INTS2: variants seen among roughly 807,000 people sequenced by gnomAD.
INTS2 encodes the protein KIAA1287.
INTS2 carries 57 observed loss-of-function variants against 139.6 expected under a neutral mutation model. That is an observed-to-expected ratio of 0.41 (90% CI 0.33 to 0.51). The LOEUF is 0.51. Among genes scored for constraint, INTS2 ranks in the 20% least tolerant of loss-of-function variants. The probability of loss-of-function intolerance (pLI) is 0.28; values close to 1 mark genes in which losing one functional copy is unlikely to be tolerated. For synonymous variants in INTS2, 473 were observed against 493.4 expected, an observed-to-expected ratio of 0.96 and a Z score of 0.55; for missense variants, 1,196 against 1,436.7, an observed-to-expected ratio of 0.83 and a Z score of 2.71.
intron 2 of INTS2, 132 bp downstream of exon 2, chr17:61,926,220 C>A: frequency 2.9e-6 from 2 of 681,432 alleles, no homozygotes; most frequent in South Asian, 2.2e-5. Flanking sequence ...TAACTATATA[C>A]AGAAAAGACC....
chr17:61,895,953 C>G (rs1423930323), intron 11 of INTS2, among the ~76,000 whole-genome samples: 1 of 151,874 alleles, frequency 6.6e-6, no homozygotes, highest in African/African-American at 2.4e-5. Flanking sequence ...ACAAAAAGAA[C>G]ATTTACAGCC....
chr17:61,894,047 G>T, intron 12 of INTS2, 148 bp from the exon 13 acceptor site: 1 of 472,558 alleles, frequency 2.1e-6, no homozygotes, highest in South Asian at 6.0e-5. Flanking sequence ...TGTTTTAATT[G>T]TCTTTGAATG....
In INTS2 at chr17:61,919,529, G is replaced by A; in HGVS notation, c.536-16C>T. On this transcript the variant is annotated splice_polypyrimidine_tract_variant and intron_variant, in intron 4 of 24. Coordinates refer to ENST00000251334, the MANE Select transcript of INTS2 (RefSeq NM_001351695.2). ...GAAGGGAGCTCTACAAGAAAACAAA[G>A]TCAGTGTTAGTCTTTGTTAACAGGT... The A allele has an allele frequency of 7.3e-7, 1 of 1,360,546 alleles. No homozygotes were observed. Among genetic ancestry groups the A allele is most frequent in the African/African-American group, 1.4e-5 (1 of 69,426 alleles). The allele number at this position is 1,360,546 out of a possible 1,614,324, so 84.3% of individuals were successfully genotyped here.
At chr17:61,907,934 A>T (rs2079482967) in intron 7 of INTS2, among the ~76,000 whole-genome samples, 1 of 152,232 alleles carries the variant, frequency 6.6e-6, no homozygotes. Context: ...ACAAAGTGAT[A>T]TGTGGTATAG....
intron 8 of INTS2, among the ~76,000 whole-genome samples, chr17:61,905,594 C>G (rs1023243267): frequency 6.6e-6 from 1 of 152,176 alleles, no homozygotes; most frequent in Non-Finnish European, 1.5e-5. Context: ...CCAGAGCGCT[C>G]GGATTATGGG....
chr17:61,901,389 A>C (rs1051885145), intron 9 of INTS2, among the ~76,000 whole-genome samples: 6 of 151,558 alleles, frequency 4.0e-5, no homozygotes, highest in East Asian at 1.9e-4. Context: ...TAGAGAAAAG[A>C]AGCAATACAA....
intron 5 of INTS2, among the ~76,000 whole-genome samples, chr17:61,919,025 A>G (rs1390706194): frequency 1.3e-5 from 2 of 151,630 alleles, no homozygotes; most frequent in African/African-American, 4.8e-5. Flanking sequence ...CCCAGGTTCA[A>G]GCGATTCTTC....
chr17:61,899,462 G>C (rs939222842), intron 9 of INTS2, among the ~76,000 whole-genome samples: 3 of 151,968 alleles, frequency 2.0e-5, no homozygotes, highest in Non-Finnish European at 4.4e-5. Context: ...ATGTTGGCCA[G>C]GCTGGTCTCG....
At chr17:61,916,963 T>C (rs2079588997) in intron 5 of INTS2, among the ~76,000 whole-genome samples, 1 of 151,408 alleles carries the variant, frequency 6.6e-6, no homozygotes, top group Non-Finnish European at 1.5e-5. Context: ...ACCACCCCAT[T>C]AAAAGTGAGG....
chr17:61,879,660 GGGCAACAT>G (rs1260240464), intron 17 of INTS2, among the ~76,000 whole-genome samples: 1 of 152,104 alleles, frequency 6.6e-6, no homozygotes, highest in East Asian at 1.9e-4. Context: ...AGACCAGCCT[GGGCAACAT>G]GGCAACCCTT....
chr17:61,926,230 C>A, intron 2 of INTS2, 122 bp downstream of exon 2: 1 of 747,830 alleles, frequency 1.3e-6, no homozygotes, highest in East Asian at 2.6e-5. Flanking sequence ...CAGAAAAGAC[C>A]TAAGTAAAAT....
intron 7 of INTS2, chr17:61,910,637 G>A (rs928660902): frequency 6.6e-6 from 1 of 151,414 alleles, no homozygotes; most frequent in African/African-American, 2.4e-5. Flanking sequence ...AGTGATAATG[G>A]TTGCACACTG....
intron 9 of INTS2, among the ~76,000 whole-genome samples, chr17:61,900,531 T>G (rs2079393881): frequency 6.6e-6 from 1 of 152,232 alleles, no homozygotes; most frequent in Non-Finnish European, 1.5e-5. Context: ...TAACTTTGTT[T>G]ATGGGTTTCT....
intron 5 of INTS2, among the ~76,000 whole-genome samples, chr17:61,918,740 C>A (rs1432856000): frequency 1.3e-5 from 2 of 152,048 alleles, no homozygotes; most frequent in Non-Finnish European, 2.9e-5. Flanking sequence ...AAAATGTAGT[C>A]GATTTTTCTC....
In INTS2 at chr17:61,867,646, T is replaced by G. The variant is rs2079056275; in HGVS notation, c.3502A>C (p.Thr1168Pro). The change falls in exon 25 of 25, where the codon ACT becomes CCT. Residue 1168 changes from threonine (T) to proline (P), a missense_variant. Coordinates refer to ENST00000251334, the MANE Select transcript of INTS2 (RefSeq NM_001351695.2). The surrounding 1 kb of genome is among the most constrained non-coding windows in gnomAD (Gnocchi z 5.6). ...DSSYKNGSRDTGSMDPDVQLC... is the reference protein window; with the variant it reads ...DSSYKNGSRDPGSMDPDVQLC... ...TGTACATCAGGATCCATGCTTCCAG[T>G]GTCCCTGGATCCATTTTTATAAGAT... 6.2e-7 allele frequency: 1 copy of G among 1,608,604 alleles called. No homozygotes were observed. Among genetic ancestry groups the G allele is most frequent in the South Asian group, 1.1e-5 (1 of 90,890 alleles).
At position 61,893,863 on chromosome 17, in the gene INTS2, T is replaced by C. The variant is rs1203793764; in HGVS notation, c.1600A>G (p.Ser534Gly). The change falls in exon 13 of 25, where the codon AGC becomes GGC. Residue 534 changes from serine (S) to glycine (G), a missense_variant. Physicochemically the swap from Ser to Gly is moderately conservative, Grantham distance 56. Transcript: ENST00000251334. This position sits in a 1 kb window ranked among gnomAD's most constrained non-coding sequence, Gnocchi z 5.4. ...CCAGTAATGTTGGCACTCAGGTTGC[T>C]GGTGACAGGGACCCGAACTGCATGA... Reference protein sequence around the residue: ...TAHAVRVPVTSNLSANITGFL... With the variant: ...TAHAVRVPVTGNLSANITGFL... 6.3e-7 allele frequency: 1 copy of C among 1,581,200 alleles called. No homozygotes were observed. Among genetic ancestry groups the C allele is most frequent in the East Asian group, 2.3e-5 (1 of 43,254 alleles).
In INTS2 at chr17:61,882,385, A is replaced by G. The variant is rs554247411; in HGVS notation, c.2090-1214T>C. On this transcript the variant is annotated intron_variant, in intron 16 of 24. Coordinates refer to ENST00000251334, the MANE Select transcript of INTS2 (RefSeq NM_001351695.2). This position sits in a 1 kb window ranked among gnomAD's most constrained non-coding sequence, Gnocchi z 4.7. ...TTACCAAATCAAAGCCTTATTTATA[A>G]CATTTTACCTATACCACAGTTTGAC... Among the ~76,000 whole-genome samples, 4 of 152,324 alleles carry G rather than the reference A, an allele frequency of 2.6e-5. No homozygotes were observed. The highest frequency in any genetic ancestry group is 9.6e-5 in the African/African-American group (4 of 41,584).
chr17:61,913,586 G>A (rs1244732753), intron 5 of INTS2, among the ~76,000 whole-genome samples: 1 of 152,092 alleles, frequency 6.6e-6, no homozygotes, highest in Non-Finnish European at 1.5e-5. Flanking sequence ...AAAGTGCTGG[G>A]ATTACAGGTG....
chr17:61,889,346 C>T (rs554709482), intron 15 of INTS2, among the ~76,000 whole-genome samples: 34 of 152,222 alleles, frequency 2.2e-4, no homozygotes, highest in Non-Finnish European at 3.5e-4. Flanking sequence ...CTCGGCCTCC[C>T]GAAGTGCTAG....
Sources: allele counts gnomAD v4.1 joint callset (sites outside exome capture counted in the v4.1 genomes callset), GRCh38; gene constraint gnomAD v4.1.1; non-coding constraint Gnocchi (gnomAD v3.1); transcripts MANE v1.5; gene names NCBI Gene and HGNC (gene_info 2026-07-23, HGNC 2026-07-21).